KDM4C: variants seen among roughly 807,000 people sequenced by gnomAD.
KDM4C encodes lysine demethylase 4C, also known as lysine-specific demethylase 4C.
A neutral mutation model predicts 129.3 loss-of-function variants in KDM4C; 81 were observed. That is an observed-to-expected ratio of 0.63 (90% CI 0.52 to 0.75). The LOEUF is 0.75. Among genes scored for constraint, KDM4C ranks in the 30% least tolerant of loss-of-function variants. The pLI, the probability that KDM4C is intolerant of heterozygous loss-of-function variation, is 0.00. For missense variants in KDM4C, 1,457 were observed against 1,304.0 expected (o/e 1.12, Z -1.81); for synonymous variants, 573 against 456.1 (o/e 1.26, Z -3.26).
At chr9:7,034,177 G>T (rs910448949) in intron 15 of KDM4C, among the ~76,000 whole-genome samples, 1 of 152,000 alleles carries the variant, frequency 6.6e-6, no homozygotes, top group East Asian at 1.9e-4. Flanking sequence ...TAACATATCC[G>T]TCATCTCAAA....
chr9:6,910,061 A>G (rs2131069931), intron 8 of KDM4C, among the ~76,000 whole-genome samples: 1 of 152,314 alleles, frequency 6.6e-6, no homozygotes, highest in East Asian at 1.9e-4. Flanking sequence ...TAAAATTGAA[A>G]TATTTTGAAG....
chr9:7,120,416 G>A (rs1839369822), intron 18 of KDM4C, among the ~76,000 whole-genome samples: 1 of 152,146 alleles, frequency 6.6e-6, no homozygotes, highest in African/African-American at 2.4e-5. Flanking sequence ...TTGATTGAAG[G>A]CAGCATGGTA....
rs1818596590 is a variant in KDM4C, at chr9:6,758,059, CG to C, written c.-158del. The C allele has an allele frequency of 1.4e-5, 14 of 985,480 alleles. No homozygotes were observed. Among genetic ancestry groups the C allele is most frequent in the Non-Finnish European group, 1.7e-5 (14 of 829,976 alleles). 61.0% of individuals were successfully genotyped at this position (985,480 alleles called of 1,614,324 possible). A position where few individuals can be genotyped will look rare whatever the true frequency, so the allele number is the denominator to read the frequency against. On this transcript the variant is annotated 5_prime_UTR_variant, in exon 1 of 22. Coordinates refer to ENST00000381309, the MANE Select transcript of KDM4C (RefSeq NM_015061.6). The surrounding 1 kb of genome is among the most constrained non-coding windows in gnomAD (Gnocchi z 4.6). ...AGGCGCGGCGCAGTGATCGGGCGGCCGGGGTCCTGTGCGCGTGCGCAGCGAA... is the reference window on the plus strand; with the variant it reads ...AGGCGCGGCGCAGTGATCGGGCGGCCGGGTCCTGTGCGCGTGCGCAGCGAA...
At chr9:7,167,772 C>T (rs1285377697) in intron 20 of KDM4C, among the ~76,000 whole-genome samples, 2 of 152,198 alleles carry the variant, frequency 1.3e-5, no homozygotes, top group Non-Finnish European at 1.5e-5. Context: ...GGTGTCTCAG[C>T]AAAGCTAGAC....
chr9:6,836,523 C>A (rs1439667492), intron 4 of KDM4C, among the ~76,000 whole-genome samples: 2 of 152,148 alleles, frequency 1.3e-5, no homozygotes, highest in African/African-American at 4.8e-5. Context: ...GCTCAGGGAC[C>A]AACCACTCTT....
rs574962728 is a variant in KDM4C at position 6,858,524 on chromosome 9, G to A, written c.629+8824G>A. 5.9e-5 allele frequency among the ~76,000 whole-genome samples: 9 copies of A among 152,270 alleles called. No individual in the cohort carries two copies. The South Asian group carries it at 1.9e-3, about 32-fold the overall frequency. ...TCGCAAATTACTGTGTTAGGGCTGG[G>A]CATGGTTGGGAGGCCTAGGTGGGCG... On this transcript the variant is annotated intron_variant, in intron 5 of 21. Coordinates refer to ENST00000381309, the MANE Select transcript of KDM4C (RefSeq NM_015061.6).
In KDM4C at chr9:7,036,159, T is replaced by C. The variant is rs1439819572; in HGVS notation, c.2260-10703T>C. ...ATTTATTTGTATCTCCTTCAGTTTCTTTCTTCATTTTTTTATAGTTTCTCT... is the reference window on the plus strand; with the variant it reads ...ATTTATTTGTATCTCCTTCAGTTTCCTTCTTCATTTTTTTATAGTTTCTCT... On this transcript the variant is annotated intron_variant, in intron 15 of 21. Transcript: ENST00000381309. Among the ~76,000 whole-genome samples, 4 of 152,210 alleles carry C rather than the reference T, an allele frequency of 2.6e-5. No individual in the cohort carries two copies. In the East Asian group the frequency reaches 7.7e-4, roughly 29 times the overall value.
At chr9:6,932,857 A>G (rs1352068667) in intron 8 of KDM4C, among the ~76,000 whole-genome samples, 1 of 152,256 alleles carries the variant, frequency 6.6e-6, no homozygotes, top group African/African-American at 2.4e-5. Flanking sequence ...AGCCTCCACT[A>G]CAAAGGATTA....
intron 5 of KDM4C, among the ~76,000 whole-genome samples, chr9:6,878,632 G>T (rs1029499906): frequency 6.6e-6 from 1 of 152,108 alleles, no homozygotes; most frequent in Non-Finnish European, 1.5e-5. Flanking sequence ...TTAGATTGAG[G>T]AGCTTTAACT....
intron 4 of KDM4C, chr9:6,834,690 G>T: frequency 1.2e-6 from 1 of 847,476 alleles, no homozygotes; most frequent in Admixed American, 1.7e-5. Context: ...ATTACCAACT[G>T]GGACAACATG....
At chr9:6,805,878 C>T in intron 3 of KDM4C, 104 bp downstream of exon 3, 1 of 1,048,130 alleles carries the variant, frequency 9.5e-7, no homozygotes. Flanking sequence ...GCAGGAGTCT[C>T]CCATGCAATT....
chr9:6,877,099 C>T (rs1052890432), intron 5 of KDM4C, among the ~76,000 whole-genome samples: 12 of 152,142 alleles, frequency 7.9e-5, no homozygotes, highest in Non-Finnish European at 1.6e-4. Context: ...TATGTTTCTG[C>T]TGTCCTTCAT....
chr9:6,788,155 G>A (rs185525254), intron 1 of KDM4C, among the ~76,000 whole-genome samples: 1 of 152,136 alleles, frequency 6.6e-6, no homozygotes, highest in East Asian at 1.9e-4. Context: ...GTATAAAATA[G>A]CCACCCCTCC....
chr9:6,906,911 T>C (rs185557271), intron 8 of KDM4C, among the ~76,000 whole-genome samples: 1 of 152,368 alleles, frequency 6.6e-6, no homozygotes, highest in Non-Finnish European at 1.5e-5. Flanking sequence ...TGTTTATTTA[T>C]ATGGGTGACG....
chr9:6,939,964 A>T (rs1475783446), intron 8 of KDM4C, among the ~76,000 whole-genome samples: 1 of 126,786 alleles, frequency 7.9e-6, no homozygotes, highest in Non-Finnish European at 1.7e-5. Context: ...TAACCAACCT[A>T]CCTACCTACC....
chr9:7,140,748 C>A (rs1353978170), intron 19 of KDM4C, among the ~76,000 whole-genome samples: 1 of 152,162 alleles, frequency 6.6e-6, no homozygotes, highest in Non-Finnish European at 1.5e-5. Flanking sequence ...CAGTAAAATT[C>A]GAATGGTTTT....
intron 4 of KDM4C, among the ~76,000 whole-genome samples, chr9:6,834,016 C>G (rs10975840): frequency 0.48 from 71,068 of 148,288 alleles, 16,999 homozygotes; most frequent in Admixed American, 0.5. Flanking sequence ...CAGAAGTGGC[C>G]TCATGGGATA....
Position 6,794,205 on chromosome 9 carries a change from C to A in KDM4C, c.144+1073C>A, listed in dbSNP as rs539391905. On this transcript the variant is annotated intron_variant, in intron 2 of 21. Transcript: ENST00000381309. Reference sequence around the variant, plus strand: ...GAGGTAGGGATATGGGGGAGCAGAACAGACGATGTTCCTGCCCCCATGGAG... The same window carrying A: ...GAGGTAGGGATATGGGGGAGCAGAAAAGACGATGTTCCTGCCCCCATGGAG... Among the ~76,000 whole-genome samples the A allele has an allele frequency of 7.9e-5, 12 of 152,340 alleles. No homozygotes were observed. The South Asian group carries it at 2.5e-3, about 32-fold the overall frequency.
chr9:7,161,766 C>G (rs1465671377), intron 19 of KDM4C, among the ~76,000 whole-genome samples: 1 of 152,178 alleles, frequency 6.6e-6, no homozygotes, highest in Non-Finnish European at 1.5e-5. Context: ...TTTGGGGACA[C>G]CCACCAGCTT....
Sources: allele counts gnomAD v4.1 joint callset (sites outside exome capture counted in the v4.1 genomes callset), GRCh38; gene constraint gnomAD v4.1.1; non-coding constraint Gnocchi (gnomAD v3.1); transcripts MANE v1.5; gene names NCBI Gene and HGNC (gene_info 2026-07-23, HGNC 2026-07-21).